DYM: variants seen among roughly 807,000 people sequenced by gnomAD.
DYM encodes dymeclin.
In DYM, 78 loss-of-function variants were observed where a neutral mutation model predicts 93.1. That is an observed-to-expected ratio of 0.84 (90% confidence interval 0.70 to 1.01). DYM has a LOEUF of 1.01. Among genes scored for constraint, DYM ranks in the 50% least tolerant of loss-of-function variants. The pLI is 0.00. For synonymous variants in DYM, 321 were observed against 319.7 expected (o/e 1.00, Z -0.04); for missense variants, 789 against 845.0 (o/e 0.93, Z 0.82).
At chr18:49,283,538 C>T (rs1300231359) in intron 9 of DYM, among the ~76,000 whole-genome samples, 2 of 151,838 alleles carry the variant, frequency 1.3e-5, no homozygotes, top group African/African-American at 4.8e-5. Flanking sequence ...CAACAGTTAA[C>T]TGGATTTGCT....
intron 13 of DYM, among the ~76,000 whole-genome samples, chr18:49,216,097 A>C (rs2093026322): frequency 6.6e-6 from 1 of 152,210 alleles, no homozygotes; most frequent in African/African-American, 2.4e-5. Context: ...CCACGAGATT[A>C]TATCCCGCAC....
At chr18:49,296,696 T>C (rs1309342186) in intron 8 of DYM, among the ~76,000 whole-genome samples, 2 of 152,208 alleles carry the variant, frequency 1.3e-5, no homozygotes, top group Non-Finnish European at 2.9e-5. Flanking sequence ...AGAATGCCAT[T>C]CTATTTCCTA....
chr18:49,292,032 G>C (rs1286346281), intron 8 of DYM, among the ~76,000 whole-genome samples: 1 of 152,080 alleles, frequency 6.6e-6, no homozygotes, highest in East Asian at 1.9e-4. Flanking sequence ...AGTTCAATCT[G>C]CAACAAAAAT....
chr18:49,300,068 T>A (rs1242777147), intron 8 of DYM, among the ~76,000 whole-genome samples: 4 of 136,660 alleles, frequency 2.9e-5, no homozygotes, highest in African/African-American at 1.2e-4. Flanking sequence ...GCTATATATA[T>A]AAATATATAT....
chr18:49,158,526 T>G (rs1026240492), intron 15 of DYM, among the ~76,000 whole-genome samples: 2 of 152,226 alleles, frequency 1.3e-5, no homozygotes, highest in African/African-American at 2.4e-5. Flanking sequence ...CTAAGATAAC[T>G]GTTCCCATGT....
intron 13 of DYM, among the ~76,000 whole-genome samples, chr18:49,220,999 C>T (rs180912791): frequency 6.6e-6 from 1 of 152,242 alleles, no homozygotes; most frequent in African/African-American, 2.4e-5. Flanking sequence ...TTTTCGCAAC[C>T]TACTCATCTG....
intron 1 of DYM, among the ~76,000 whole-genome samples, chr18:49,431,419 A>T (rs1055854633): frequency 6.6e-6 from 1 of 152,216 alleles, no homozygotes; most frequent in African/African-American, 2.4e-5. Flanking sequence ...AAGGGAGTGA[A>T]TAAATAATTA....
intron 14 of DYM, among the ~76,000 whole-genome samples, chr18:49,183,232 T>C (rs1600413597): frequency 6.6e-6 from 1 of 152,228 alleles, no homozygotes; most frequent in East Asian, 1.9e-4. Context: ...ACAACTAGTC[T>C]CTTATTGTAG....
intron 15 of DYM, among the ~76,000 whole-genome samples, chr18:49,155,358 G>C (rs951925939): frequency 6.6e-6 from 1 of 152,020 alleles, no homozygotes; most frequent in Non-Finnish European, 1.5e-5. Flanking sequence ...CGTGCTCAAA[G>C]CACTACTTTT....
At chr18:49,258,228 T>A (rs941874962) in intron 12 of DYM, 152 bp downstream of exon 12, 5 of 646,942 alleles carry the variant, frequency 7.7e-6, no homozygotes, top group East Asian at 2.8e-5. Flanking sequence ...TTATGTTACA[T>A]TAGGATCATG....
At chr18:49,097,621 G>A (rs942962209) in intron 16 of DYM, 106 bp from the exon 17 acceptor site, 1 of 1,027,180 alleles carries the variant, frequency 9.7e-7, no homozygotes, top group African/African-American at 1.6e-5. Flanking sequence ...CATTCCTACA[G>A]TGACCCGGCT....
chr18:49,041,179 C>A lies in DYM; in HGVS notation c.*2876G>T, dbSNP rs2070900701. On this transcript the variant is annotated 3_prime_UTR_variant, in exon 18 of 18. Coordinates refer to ENST00000675505, the MANE Select transcript of DYM (RefSeq NM_001353214.3). ...TGTTCATAGATTGTATGACACCAGC[C>A]TCAACGGGTGACTGTGGGAACTAGA... Among the ~76,000 whole-genome samples, 1 of 152,162 alleles carries A rather than the reference C, an allele frequency of 6.6e-6. No individual in the cohort carries two copies. Among genetic ancestry groups the A allele is most frequent in the Non-Finnish European group, 1.5e-5 (1 of 68,038 alleles).
intron 17 of DYM, among the ~76,000 whole-genome samples, chr18:49,046,375 T>C (rs1034430062): frequency 1.7e-5 from 2 of 116,366 alleles, no homozygotes; most frequent in Non-Finnish European, 3.6e-5. Context: ...AACACAGACA[T>C]GCACACACAC....
chr18:49,292,579 C>A (rs1476727974), intron 8 of DYM, among the ~76,000 whole-genome samples: 7 of 110,940 alleles, frequency 6.3e-5, no homozygotes, highest in Non-Finnish European at 1.2e-4. Flanking sequence ...AGTGGAATTG[C>A]ATTTTCCTGT....
intron 13 of DYM, among the ~76,000 whole-genome samples, chr18:49,254,281 C>CATATATATATATATATATAT (rs3084549): frequency 7.3e-6 from 1 of 136,582 alleles, no homozygotes; most frequent in Non-Finnish European, 1.5e-5. Context: ...ATCCTTGTAT[C>CATATATATATATATATATAT]ATATATATAT....
intron 14 of DYM, among the ~76,000 whole-genome samples, chr18:49,193,187 T>A (rs549573504): frequency 6.6e-6 from 1 of 151,566 alleles, no homozygotes; most frequent in Non-Finnish European, 1.5e-5. Flanking sequence ...TGTCAATATA[T>A]AATAAAAATA....
At chr18:49,241,949 T>C (rs2094021690) in intron 13 of DYM, among the ~76,000 whole-genome samples, 1 of 152,240 alleles carries the variant, frequency 6.6e-6, no homozygotes, top group East Asian at 1.9e-4. Context: ...ATAAGTCACC[T>C]TCTACGCTGC....
intron 2 of DYM, among the ~76,000 whole-genome samples, chr18:49,417,782 T>C (rs2073158092): frequency 6.6e-6 from 1 of 152,200 alleles, no homozygotes; most frequent in South Asian, 2.1e-4. Context: ...ACAGATAAGA[T>C]TATAAGCTCT....
chr18:49,179,514 A>G (rs1410659052), intron 14 of DYM, among the ~76,000 whole-genome samples: 2 of 152,138 alleles, frequency 1.3e-5, no homozygotes, highest in East Asian at 1.9e-4. Flanking sequence ...ACCACACAAT[A>G]TATCTTCAGG....
Sources: gnomAD v4.1 joint callset for allele counts (sites outside exome capture counted in the v4.1 genomes callset) on GRCh38, gnomAD v4.1.1 for gene constraint, MANE v1.5 for transcripts, NCBI Gene and HGNC (gene_info 2026-07-23, HGNC 2026-07-21) for gene names.